Variants in BOD1L1 observed in about 807,000 individuals in gnomAD.
BOD1L1 encodes biorientation of chromosomes in cell division protein 1-like 1.
A neutral mutation model predicts 240.7 loss-of-function variants in BOD1L1; 86 were observed. That is an observed-to-expected ratio of 0.36 (90% CI 0.30 to 0.43). BOD1L1 has a LOEUF of 0.43. Among genes scored for constraint, BOD1L1 ranks in the 20% least tolerant of loss-of-function variants. BOD1L1 has a pLI of 1.00. For synonymous variants in BOD1L1, 1,268 were observed against 1,272.3 expected (o/e 1.00, Z 0.07); for missense variants, 3,554 against 3,643.5 (o/e 0.98, Z 0.63).
At chr4:13,590,288 G>A in intron 14 of BOD1L1, 98 bp downstream of exon 14, 1 of 555,228 alleles carries the variant, frequency 1.8e-6, no homozygotes. Flanking sequence ...ATGAGAGAAA[G>A]TATGTAAAAT....
At chr4:13,573,605 C>T (rs1560175667) in intron 25 of BOD1L1, among the ~76,000 whole-genome samples, 1 of 152,088 alleles carries the variant, frequency 6.6e-6, no homozygotes, top group Non-Finnish European at 1.5e-5. Context: ...CTCACTGCAA[C>T]CTCCACTTCC....
chr4:13,586,439 G>C lies in BOD1L1; in HGVS notation c.8390C>G (p.Thr2797Arg), dbSNP rs1713696287. ...CGTTTCAGGACACTGCCTTTGTGCT[G>C]TTTCTATTCTGGAATCCAGGACATC... ...NPDVLDSRIE[T>R]AQRQCPETEP... Residue 2797 changes from threonine (T) to arginine (R), a missense_variant, in exon 17 of 26, where the codon ACA becomes AGA. Around this residue, in one of 2 missense-constraint regions of BOD1L1, gnomAD observed 3,393 missense variants for 3,427.1 expected, o/e 0.99. Coordinates refer to ENST00000040738, the MANE Select transcript of BOD1L1 (RefSeq NM_148894.3). The C allele has an allele frequency of 6.2e-7, 1 of 1,611,736 alleles. No homozygotes were observed. Among genetic ancestry groups the C allele is most frequent in the Non-Finnish European group, 8.5e-7 (1 of 1,178,746 alleles).
At chr4:13,594,065 A>G (rs1714421140) in intron 12 of BOD1L1, among the ~76,000 whole-genome samples, 1 of 152,214 alleles carries the variant, frequency 6.6e-6, no homozygotes, top group Admixed American at 6.5e-5. Context: ...GGGATGAGGA[A>G]GAAGACATAA....
rs1716335621 is a variant in BOD1L1 at position 13,613,418 on chromosome 4, C to T, written c.1324+94G>A. The T allele has an allele frequency of 8.3e-7, 1 of 1,207,372 alleles. No individual in the cohort carries two copies. The highest frequency in any genetic ancestry group is 1.1e-6 in the Non-Finnish European group (1 of 877,578). 74.8% of individuals were successfully genotyped at this position (1,207,372 alleles called of 1,614,324 possible). ...ACTACAAAATCCCATGCTCTTGCTACTATACCACACTGTTTCTCAGGATAT... is the reference window on the plus strand; with the variant it reads ...ACTACAAAATCCCATGCTCTTGCTATTATACCACACTGTTTCTCAGGATAT... On this transcript the variant is annotated intron_variant, in intron 5 of 25. Transcript: ENST00000040738. This position sits in a 1 kb window ranked among gnomAD's most constrained non-coding sequence, Gnocchi z 4.0.
intron 17 of BOD1L1, among the ~76,000 whole-genome samples, chr4:13,585,940 T>C (rs1379579214): frequency 3.3e-5 from 5 of 152,208 alleles, no homozygotes; most frequent in Non-Finnish European, 7.3e-5. Context: ...CAATTAAACC[T>C]CTTTCCTTTA....
Position 13,583,401 on chromosome 4 carries a change from T to G in BOD1L1, c.8434-665A>C, listed in dbSNP as rs770951169. Among the ~76,000 whole-genome samples, 35 of 152,270 alleles carry G rather than the reference T, an allele frequency of 2.3e-4. 1 individual carries two copies. Among genetic ancestry groups the G allele is most frequent in the Middle Eastern group, 3.2e-3 (1 of 316 alleles). On this transcript the variant is annotated intron_variant, in intron 17 of 25. Transcript: ENST00000040738. ...TCATTTCTATTAATGTTAATTTTACTTATTTTTTAATAGAAATATATTCTT... is the reference window on the plus strand; with the variant it reads ...TCATTTCTATTAATGTTAATTTTACGTATTTTTTAATAGAAATATATTCTT...
Position 13,614,528 on chromosome 4 carries a change from C to G in BOD1L1, c.842G>C (p.Ser281Thr). The change falls in exon 4 of 26, where the codon AGC becomes ACC. Residue 281 changes from serine (S) to threonine (T), a missense_variant. Ser to Thr is a moderately conservative substitution (Grantham distance 58, BLOSUM62 1). This residue lies in a region of BOD1L1 where 3,393 missense variants were observed against 3,427.1 expected (regional missense o/e 0.99). Transcript: ENST00000040738. ...LETAPKSEEF[S>T]DLPCPVEEIK... ...TTCTTCGACTGGACAGGGGAGGTCGCTGAACTCTTCAGACTTTGGGGCTGT... is the reference window on the plus strand; with the variant it reads ...TTCTTCGACTGGACAGGGGAGGTCGGTGAACTCTTCAGACTTTGGGGCTGT... 2 of 1,613,962 alleles carry G rather than the reference C, an allele frequency of 1.2e-6. No individual in the cohort carries two copies. Among genetic ancestry groups the G allele is most frequent in the Non-Finnish European group, 1.7e-6 (2 of 1,179,884 alleles).
intron 17 of BOD1L1, among the ~76,000 whole-genome samples, chr4:13,585,386 AAG>A (rs1359158771): frequency 4.6e-5 from 7 of 152,178 alleles, no homozygotes; most frequent in African/African-American, 7.2e-5. Context: ...AAATTAGAGA[AAG>A]AGAGAGGAAA....
chr4:13,581,434 C>T (rs113374919), intron 19 of BOD1L1, among the ~76,000 whole-genome samples: 21 of 152,212 alleles, frequency 1.4e-4, no homozygotes, highest in African/African-American at 4.1e-4. Context: ...TTAATGGAGC[C>T]ATGAGGATTT....
intron 1 of BOD1L1, among the ~76,000 whole-genome samples, chr4:13,626,563 T>C (rs956321972): frequency 1.3e-5 from 2 of 152,212 alleles, no homozygotes; most frequent in African/African-American, 4.8e-5. Flanking sequence ...TTCCTGCTAA[T>C]GTCCCTTTCA....
Position 13,603,905 on chromosome 4 carries a change from C to T in BOD1L1, c.2995G>A (p.Glu999Lys). 1.9e-6 allele frequency: 3 copies of T among 1,613,888 alleles called. No individual in the cohort carries two copies. Residue 999 changes from glutamate (E) to lysine (K), a missense_variant, in exon 10 of 26, where the codon GAG becomes AAG. Glu to Lys is a moderately conservative substitution (Grantham distance 56). Around this residue, in one of 2 missense-constraint regions of BOD1L1, gnomAD observed 3,393 missense variants for 3,427.1 expected, o/e 0.99. Transcript: ENST00000040738. ...GAGTCTTTATCACTCTTATATTTCTCCTTTGCTAATGGTAACTTGGCTCTA... is the reference window on the plus strand; with the variant it reads ...GAGTCTTTATCACTCTTATATTTCTTCTTTGCTAATGGTAACTTGGCTCTA... ...SHRAKLPLAK[E>K]KYKSDKDSTS...
chr4:13,590,131 T>G (rs1307560211), intron 14 of BOD1L1, among the ~76,000 whole-genome samples: 2 of 152,206 alleles, frequency 1.3e-5, no homozygotes, highest in African/African-American at 4.8e-5. Context: ...ACTGGGAGAT[T>G]AATGGCAAAG....
At chr4:13,595,213 A>G (rs1468394918) in intron 12 of BOD1L1, among the ~76,000 whole-genome samples, 1 of 152,214 alleles carries the variant, frequency 6.6e-6, no homozygotes, top group African/African-American at 2.4e-5. Context: ...TCTCAATTTT[A>G]ATTTCTTATT....
At chr4:13,610,584 G>A (rs1005009290) in intron 6 of BOD1L1, among the ~76,000 whole-genome samples, 2 of 152,192 alleles carry the variant, frequency 1.3e-5, no homozygotes, top group African/African-American at 2.4e-5. Flanking sequence ...TTCAGGCTAT[G>A]TGCATATACA....
intron 17 of BOD1L1, among the ~76,000 whole-genome samples, chr4:13,585,301 GA>G (rs1223104978): frequency 6.6e-6 from 1 of 152,172 alleles, no homozygotes; most frequent in Non-Finnish European, 1.5e-5. Flanking sequence ...TAGAGAACTG[GA>G]AGTCAGCTCA....
chr4:13,599,139 T>C lies in BOD1L1; in HGVS notation c.7761A>G (p.Pro2587=). 12 of 1,614,046 alleles carry C rather than the reference T, an allele frequency of 7.4e-6. No homozygotes were observed. Among genetic ancestry groups the C allele is most frequent in the Non-Finnish European group, 1.0e-5 (12 of 1,179,898 alleles). The change falls in exon 10 of 26, where the codon CCA becomes CCG. Residue 2587 remains proline, a synonymous_variant. Transcript: ENST00000040738. ...KIAPSHTMIP[P]ATYSVALLAP... The stretch of plus-strand genomic sequence containing the variant: ...CCAACAGAGCTACACTGTAAGTAGC[T>C]GGAGGGATCATTGTGTGGGAAGGAG...
At position 13,602,798 on chromosome 4, in the gene BOD1L1, C is replaced by T; in HGVS notation, c.4102G>A (p.Glu1368Lys). The T allele has an allele frequency of 3.7e-6, 6 of 1,613,990 alleles. No individual in the cohort carries two copies. Among genetic ancestry groups the T allele is most frequent in the Non-Finnish European group, 5.1e-6 (6 of 1,179,884 alleles). ...TCCAATAAAGTAGCCTGGTGAGCTT[C>T]TGGAATGTGTCTTTTGCTAGTGATG... The part of the protein sequence containing the change: ...ASITSKRHIP[E>K]AHQATLLDGK... The change falls in exon 10 of 26, where the codon GAA (glutamate) becomes AAA (lysine). Residue 1368 changes from glutamate to lysine, a missense_variant. Around this residue, in one of 2 missense-constraint regions of BOD1L1, gnomAD observed 3,393 missense variants for 3,427.1 expected, o/e 0.99. Transcript: ENST00000040738.
intron 25 of BOD1L1, chr4:13,572,678 C>G (rs1413726764): frequency 5.4e-6 from 7 of 1,286,696 alleles, no homozygotes; most frequent in Non-Finnish European, 7.1e-6. Flanking sequence ...TTAAAAATGG[C>G]TTGAAGTGTA....
At chr4:13,611,226 T>C (rs1040944417) in intron 5 of BOD1L1, 126 bp from the exon 6 acceptor site, 1 of 604,980 alleles carries the variant, frequency 1.7e-6, no homozygotes, top group South Asian at 2.8e-5. Context: ...GATGTGAAGA[T>C]TTCAGAAATT....
Sources: allele counts gnomAD v4.1 joint callset (sites outside exome capture counted in the v4.1 genomes callset), GRCh38; gene constraint gnomAD v4.1.1; regional missense constraint gnomAD v4.1.1; non-coding constraint Gnocchi (gnomAD v3.1); transcripts MANE v1.5; gene names NCBI Gene and HGNC (gene_info 2026-07-23, HGNC 2026-07-21).